Variants in LMNTD1 observed in about 807,000 individuals in gnomAD.
The protein encoded by LMNTD1 is lamin tail domain containing 1.
LMNTD1 carries 35 observed loss-of-function variants against 50.9 expected under a neutral mutation model. The ratio of observed to expected loss-of-function variants is 0.69; its 90% confidence interval spans 0.53 to 0.91. The LOEUF is 0.91. Among genes scored for constraint, LMNTD1 ranks in the 40% least tolerant of loss-of-function variants. The pLI is 0.00. For missense variants in LMNTD1, 470 were observed against 475.5 expected (o/e 0.99, Z 0.11); for synonymous variants, 153 against 161.9 (o/e 0.94, Z 0.42).
intron 1 of LMNTD1, among the ~76,000 whole-genome samples, chr12:25,632,995 A>G (rs1025681291): frequency 3.3e-5 from 5 of 151,742 alleles, no homozygotes; most frequent in African/African-American, 1.2e-4. Context: ...ACGCAAATAG[A>G]CACCAAAAGT....
chr12:25,646,656 G>C (rs1327727227), intron 1 of LMNTD1, among the ~76,000 whole-genome samples: 2 of 152,166 alleles, frequency 1.3e-5, no homozygotes, highest in Non-Finnish European at 2.9e-5. Flanking sequence ...ATGCAGAAAG[G>C]AAGCATCAAC....
rs71449923 is a variant in LMNTD1 at position 25,598,689 on chromosome 12, T to TAA, written c.58+49803_58+49804dup. Among the ~76,000 whole-genome samples, 23 of 149,304 alleles carry TAA rather than the reference T, an allele frequency of 1.5e-4. No homozygotes were observed. The South Asian group carries it at 3.2e-3, about 20-fold the overall frequency. On this transcript the variant is annotated intron_variant, in intron 1 of 7. Coordinates refer to the LMNTD1 transcript ENST00000445693. ...GACATTACAATTGATACTGCAGAAA[T>TAA]AAAAAAAAAATCATGAGTAACTACT...
chr12:25,499,159 C>T (rs1003593356), intron 9 of LMNTD1, among the ~76,000 whole-genome samples: 4 of 152,156 alleles, frequency 2.6e-5, no homozygotes, highest in Non-Finnish European at 5.9e-5. Context: ...GCAGACTTAA[C>T]CTCCTGGGCT....
chr12:25,580,741 T>C (rs1945248491), intron 1 of LMNTD1, among the ~76,000 whole-genome samples: 1 of 152,174 alleles, frequency 6.6e-6, no homozygotes, highest in African/African-American at 2.4e-5. Flanking sequence ...TAACCTCTAG[T>C]TTGGGTAATT....
At chr12:25,648,016 G>A (rs565414701) in intron 1 of LMNTD1, among the ~76,000 whole-genome samples, 6 of 151,916 alleles carry the variant, frequency 3.9e-5, no homozygotes, top group African/African-American at 1.2e-4. Context: ...ATTACCAAAG[G>A]ATTATTTAGT....
chr12:25,539,041 G>T (rs1014786789), intron 4 of LMNTD1, among the ~76,000 whole-genome samples: 5 of 151,564 alleles, frequency 3.3e-5, no homozygotes, highest in Non-Finnish European at 5.9e-5. Flanking sequence ...AAATATATGT[G>T]CACCCAATAC....
chr12:25,479,044 C>A (rs1160788003), intron 9 of LMNTD1, among the ~76,000 whole-genome samples: 1 of 152,144 alleles, frequency 6.6e-6, no homozygotes, highest in Non-Finnish European at 1.5e-5. Context: ...CATGAGTACT[C>A]TTCCCTACCT....
chr12:25,607,900 T>G (rs1290751945), intron 1 of LMNTD1, among the ~76,000 whole-genome samples: 2 of 152,216 alleles, frequency 1.3e-5, no homozygotes, highest in African/African-American at 2.4e-5. Flanking sequence ...GTTAACTTTC[T>G]GTCTTGTTGA....
At chr12:25,545,654 G>T (rs1054495104) in intron 4 of LMNTD1, among the ~76,000 whole-genome samples, 3 of 151,624 alleles carry the variant, frequency 2.0e-5, no homozygotes, top group African/African-American at 7.3e-5. Context: ...TGAAGGATCT[G>T]ATGAGGTGTT....
chr12:25,519,586 T>G (rs1941114857), intron 7 of LMNTD1, among the ~76,000 whole-genome samples: 1 of 74,954 alleles, frequency 1.3e-5, no homozygotes, highest in Non-Finnish European at 2.3e-5. Flanking sequence ...AGACTCTGTC[T>G]CAAAAAAAAA....
chr12:25,519,804 A>T, intron 7 of LMNTD1, 54 bp downstream of exon 7: 1 of 1,129,006 alleles, frequency 8.9e-7, no homozygotes, highest in Non-Finnish European at 1.3e-6. Context: ...CCACATGCTT[A>T]GTTACTAATT....
chr12:25,489,226 A>T (rs192530399), intron 9 of LMNTD1, among the ~76,000 whole-genome samples: 1 of 149,556 alleles, frequency 6.7e-6, no homozygotes, highest in African/African-American at 2.4e-5. Flanking sequence ...CCTCCCCCAG[A>T]CTCGCTGCTG....
chr12:25,638,621 T>TA (rs1565532578), intron 1 of LMNTD1, among the ~76,000 whole-genome samples: 1 of 152,030 alleles, frequency 6.6e-6, no homozygotes, highest in East Asian at 1.9e-4. Flanking sequence ...GGACTAAATT[T>TA]AAAAAAAGAA....
chr12:25,613,362 C>G (rs1236020509), intron 1 of LMNTD1, among the ~76,000 whole-genome samples: 3 of 152,188 alleles, frequency 2.0e-5, no homozygotes, highest in Non-Finnish European at 2.9e-5. Flanking sequence ...TGTTTTGACT[C>G]TACCGTTTTT....
At chr12:25,523,141 C>T (rs1941455803) in intron 6 of LMNTD1, among the ~76,000 whole-genome samples, 1 of 152,158 alleles carries the variant, frequency 6.6e-6, no homozygotes, top group South Asian at 2.1e-4. Flanking sequence ...TCAAGCAATT[C>T]TCCTGTCTCA....
intron 1 of LMNTD1, among the ~76,000 whole-genome samples, chr12:25,617,759 C>T (rs1011172452): frequency 6.6e-6 from 1 of 152,144 alleles, no homozygotes; most frequent in East Asian, 1.9e-4. Context: ...TGCAATGCCA[C>T]GTGATACACA....
intron 1 of LMNTD1, among the ~76,000 whole-genome samples, chr12:25,558,407 C>T (rs1313282647): frequency 6.6e-6 from 1 of 152,170 alleles, no homozygotes; most frequent in Non-Finnish European, 1.5e-5. Context: ...TAGGCACTTA[C>T]AGCTATAAAA....
Position 25,549,401 on chromosome 12 carries a change from C to T in LMNTD1, c.235G>A (p.Val79Ile), listed in dbSNP as rs1315409915. ...YYLSSPQISR[V>I]TISTTGQLTS... ...AATTGTCCAGTTGTTGATATAGTTACTCTACTAATCTGAGGACTAGACAGA... is the reference window on the plus strand; with the variant it reads ...AATTGTCCAGTTGTTGATATAGTTATTCTACTAATCTGAGGACTAGACAGA... The change falls in exon 3 of 10, where the codon GTA becomes ATA. Residue 79 changes from valine to isoleucine, a missense_variant. Transcript: ENST00000458174. The T allele has an allele frequency of 6.2e-7, 1 of 1,613,054 alleles. No individual in the cohort carries two copies. The highest frequency in any genetic ancestry group is 8.5e-7 in the Non-Finnish European group (1 of 1,179,242).
chr12:25,620,217 A>C (rs897124444), intron 1 of LMNTD1, among the ~76,000 whole-genome samples: 1 of 152,178 alleles, frequency 6.6e-6, no homozygotes, highest in African/African-American at 2.4e-5. Context: ...CAACACCATC[A>C]GTGATTCCCC....
Sources: allele counts gnomAD v4.1 joint callset (sites outside exome capture counted in the v4.1 genomes callset), GRCh38; gene constraint gnomAD v4.1.1; transcripts MANE v1.5; gene names NCBI Gene and HGNC (gene_info 2026-07-23, HGNC 2026-07-21).